PLCH2: variants seen among roughly 807,000 people sequenced by gnomAD.
PLCH2 encodes the protein 1-phosphatidylinositol 4,5-bisphosphate phosphodiesterase eta-2.
A neutral mutation model predicts 134.7 loss-of-function variants in PLCH2; 98 were observed. The observed-to-expected ratio is 0.73, with a 90% CI of 0.62 to 0.86. PLCH2 has a LOEUF of 0.86. Among genes scored for constraint, PLCH2 ranks in the 40% least tolerant of loss-of-function variants. The pLI, the probability that PLCH2 is intolerant of heterozygous loss-of-function variation, is 0.00. For synonymous variants in PLCH2, 974 were observed against 827.5 expected (o/e 1.18, Z -3.04); for missense variants, 1,994 against 1,986.6 (o/e 1.00, Z -0.07).
At chr1:2,476,124 C>T (rs753659047), upstream of PLCH2, among the ~76,000 whole-genome samples, 6 of 152,230 alleles carry the variant, frequency 3.9e-5, no homozygotes, top group Non-Finnish European at 7.3e-5. Context: ...GCTCTTGTCC[C>T]GCAGCCCTGA....
the PLCH2 span, among the ~76,000 whole-genome samples, chr1:2,418,737 G>A: frequency 4.6e-5 from 7 of 152,202 alleles, no homozygotes; most frequent in Non-Finnish European, 1.0e-4. Flanking sequence ...GTCTGTGCGA[G>A]TGGGAGTGAG....
intron 2 of PLCH2, among the ~76,000 whole-genome samples, chr1:2,432,863 T>A (rs1041291177): frequency 9.2e-5 from 14 of 152,154 alleles, no homozygotes; most frequent in Admixed American, 5.2e-4. Context: ...GGGAGGCGCC[T>A]GGAGGTCTTT....
At chr1:2,503,132 G>A (rs1283266782) in intron 21 of PLCH2, 2 of 667,558 alleles carry the variant, frequency 3.0e-6, no homozygotes, top group Admixed American at 2.1e-5. Flanking sequence ...CTTGGGTGGA[G>A]CTGGTTTGAG....
At chr1:2,479,350 C>T (rs11799501) in intron 2 of PLCH2, 103,811 of 178,154 alleles carry the variant, frequency 0.58, 30,825 homozygotes, top group East Asian at 0.8. Flanking sequence ...TCCCTGGAGC[C>T]GCTGTCCCCA....
upstream of PLCH2, among the ~76,000 whole-genome samples, chr1:2,473,422 G>A (rs574428669): frequency 1.1e-3 from 173 of 152,348 alleles, 2 homozygotes; most frequent in Middle Eastern, 0.01. Flanking sequence ...CCCAACTGGG[G>A]TGCAGCCCCG....
In PLCH2 at chr1:2,459,552, C is replaced by T. The variant is rs111697934; in HGVS notation, c.116-18924C>T. Among the ~76,000 whole-genome samples the T allele has an allele frequency of 2.3e-4, 28 of 121,068 alleles. 2 individuals carry two copies. The highest frequency in any genetic ancestry group is 7.6e-4 in the African/African-American group (22 of 29,106). 79.4% of individuals were successfully genotyped at this position (121,068 alleles called of 152,430 possible). ...GTCCTCCTTCCTGGTGGTCCTCCTT[C>T]CTGGTGGTCCTCCTTGCCGGTGGTC... is the stretch of plus-strand genomic sequence containing the variant. On this transcript the variant is annotated intron_variant, in intron 2 of 3. Coordinates refer to the PLCH2 transcript ENST00000609981.
chr1:2,471,101 C>T (rs1641303999), intron 1 of PLCH2, among the ~76,000 whole-genome samples: 1 of 152,154 alleles, frequency 6.6e-6, no homozygotes, highest in Non-Finnish European at 1.5e-5. Flanking sequence ...AATAGGGTCC[C>T]CTTCCTGATG....
upstream of PLCH2, among the ~76,000 whole-genome samples, chr1:2,423,622 A>T (rs554556980): frequency 6.6e-6 from 1 of 152,196 alleles, no homozygotes; most frequent in South Asian, 2.1e-4. Context: ...TTGTTGGGGT[A>T]AGGGGGATGA....
intron 13 of PLCH2, 86 bp from the exon 14 acceptor site, chr1:2,496,521 G>A (rs1416069120): frequency 6.3e-6 from 7 of 1,104,356 alleles, no homozygotes; most frequent in Non-Finnish European, 9.4e-6. Flanking sequence ...TAATGAGGCT[G>A]CCCGAGCCCT....
At chr1:2,494,776 G>A in intron 11 of PLCH2, 80 bp from the exon 12 acceptor site, 5 of 1,040,582 alleles carry the variant, frequency 4.8e-6, no homozygotes, top group Non-Finnish European at 7.3e-6. Context: ...AGGCCTTCTG[G>A]GACCACCAGG....
rs1558037236 is a variant in PLCH2, at chr1:2,502,342, G to A, written c.2892G>A (p.Val964=). 3.2e-5 allele frequency: 49 copies of A among 1,535,032 alleles called. No homozygotes were observed. Among genetic ancestry groups the A allele is most frequent in the Non-Finnish European group, 4.0e-5 (46 of 1,141,918 alleles). The change falls in exon 21 of 22, where the codon GTG becomes GTA. Residue 964 remains valine (V), a synonymous_variant. Coordinates refer to ENST00000378486, the MANE Select transcript of PLCH2 (RefSeq NM_014638.4). ...TGSKGVADDV[V]PPGPGPAPEA... ...CCAAGGGGGTGGCAGACGATGTGGT[G>A]CCCCCCGGGCCCGGACCTGCTCCGG...
Position 2,502,367 on chromosome 1 carries a change from G to A in PLCH2, c.2917G>A (p.Glu973Lys), listed in dbSNP as rs898931505. The A allele has an allele frequency of 1.4e-5, 21 of 1,541,408 alleles. No homozygotes were observed. The Admixed American group carries it at 3.8e-4, about 28-fold the overall frequency. The change falls in exon 21 of 22, where the codon GAA (glutamate) becomes AAA (lysine). Residue 973 changes from glutamate (E) to lysine (K), a missense_variant. By Grantham distance (56) the Glu-to-Lys change is moderately conservative. This residue lies in a region of PLCH2 where 900 missense variants were observed against 752.3 expected (regional missense o/e 1.20). Coordinates refer to ENST00000378486, the MANE Select transcript of PLCH2 (RefSeq NM_014638.4). ...VVPPGPGPAP[E>K]APAQEGPGSG... Reference sequence around the variant, plus strand: ...GCCCCCCGGGCCCGGACCTGCTCCGGAAGCCCCAGCCCAGGAGGGGCCCGG... The same window carrying A: ...GCCCCCCGGGCCCGGACCTGCTCCGAAAGCCCCAGCCCAGGAGGGGCCCGG...
At chr1:2,416,490 G>T in the PLCH2 span, among the ~76,000 whole-genome samples, 1 of 152,180 alleles carries the variant, frequency 6.6e-6, no homozygotes, top group Non-Finnish European at 1.5e-5. Flanking sequence ...GGCCCTGGGA[G>T]CCGCACTCCA....
chr1:2,438,761 C>A (rs181682677), intron 2 of PLCH2, among the ~76,000 whole-genome samples: 1 of 152,376 alleles, frequency 6.6e-6, no homozygotes, highest in East Asian at 1.9e-4. Flanking sequence ...GGGAGCACCC[C>A]CCGTCCCGCT....
At chr1:2,441,733 T>C (rs749869855) in intron 2 of PLCH2, among the ~76,000 whole-genome samples, 2 of 152,050 alleles carry the variant, frequency 1.3e-5, no homozygotes, top group Non-Finnish European at 2.9e-5. Flanking sequence ...TGGGCCAGTG[T>C]GGCCAAGGGA....
chr1:2,496,083 T>C (rs1227594171), intron 13 of PLCH2, among the ~76,000 whole-genome samples: 3 of 151,898 alleles, frequency 2.0e-5, no homozygotes. Context: ...CTCCCTCCTA[T>C]TGCCGTCTCC....
At position 2,498,800 on chromosome 1, in the gene PLCH2, G is replaced by A. The variant is rs1168866447; in HGVS notation, c.2406G>A (p.Arg802=). The A allele has an allele frequency of 6.2e-7, 1 of 1,611,552 alleles. No homozygotes were observed. Among genetic ancestry groups the A allele is most frequent in the Non-Finnish European group, 8.5e-7 (1 of 1,179,116 alleles). ...TTGGGCTCCCTGTGGACTGCAGCAG[G>A]GAGCAGACCCGCGTGGTGGACGACA... ...EIIGLPVDCS[R]EQTRVVDDNG... The change falls in exon 18 of 22, where the codon AGG becomes AGA. Residue 802 remains arginine (R), a synonymous_variant. Transcript: ENST00000378486. The surrounding 1 kb of genome is among the most constrained non-coding windows in gnomAD (Gnocchi z 5.4).
At chr1:2,450,537 G>A (rs1437057514) in intron 2 of PLCH2, among the ~76,000 whole-genome samples, 1 of 23,672 alleles carries the variant, frequency 4.2e-5, no homozygotes, top group African/African-American at 2.0e-4. Context: ...CCCACTCCCC[G>A]CTTGCCCCCC....
intron 2 of PLCH2, among the ~76,000 whole-genome samples, chr1:2,450,683 T>TCCCCGCCTACCCCCCG (rs1640171385): frequency 1.2e-4 from 1 of 8,484 alleles, no homozygotes; most frequent in African/African-American, 5.6e-4. Context: ...CCTACCCCCC[T>TCCCCGCCTACCCCCCG]CTCCCCGCCT....
Sources: gnomAD v4.1 joint callset for allele counts (sites outside exome capture counted in the v4.1 genomes callset) on GRCh38, gnomAD v4.1.1 for gene constraint, gnomAD v4.1.1 regional missense constraint, Gnocchi (gnomAD v3.1) non-coding constraint, MANE v1.5 for transcripts, NCBI Gene and HGNC (gene_info 2026-07-23, HGNC 2026-07-21) for gene names.